CREM: variants seen among roughly 807,000 people sequenced by gnomAD.
CREM encodes the protein cAMP-responsive element modulator.
Under a neutral mutation model 37.3 loss-of-function variants are expected in CREM, and 13 were observed. That is an observed-to-expected ratio of 0.35 (90% CI 0.23 to 0.55). The LOEUF (loss-of-function observed/expected upper bound fraction) is 0.55. CREM is among the 20% of genes least tolerant of loss of function. CREM has a pLI of 0.88. For missense variants in CREM, 296 were observed against 362.3 expected, an observed-to-expected ratio of 0.82 and a Z score of 1.49; for synonymous variants, 124 against 120.2, an observed-to-expected ratio of 1.03 and a Z score of -0.21.
chr10:35,158,453 C>A, intron 3 of CREM: 1 of 284,780 alleles, frequency 3.5e-6, no homozygotes. Context: ...GTGCCGCCTG[C>A]AGAGGGTAAA....
intron 1 of CREM, among the ~76,000 whole-genome samples, chr10:35,137,127 G>A (rs1177540346): frequency 6.6e-6 from 1 of 152,050 alleles, no homozygotes; most frequent in Non-Finnish European, 1.5e-5. Flanking sequence ...ATGTTCTTTT[G>A]TCTTTTTCTT....
intron 6 of CREM, among the ~76,000 whole-genome samples, chr10:35,203,227 G>A (rs1454003496): frequency 3.3e-5 from 5 of 151,872 alleles, no homozygotes; most frequent in Non-Finnish European, 7.4e-5. Flanking sequence ...TGTATGTCTT[G>A]TAGAGATCAG....
At chr10:35,184,294 T>C (rs1162291656) in intron 5 of CREM, among the ~76,000 whole-genome samples, 2 of 152,168 alleles carry the variant, frequency 1.3e-5, no homozygotes, top group African/African-American at 4.8e-5. Context: ...ATTCATTCAG[T>C]TAATTTCATC....
At chr10:35,209,245 A>G (rs2095609851) in intron 7 of CREM, 1 of 879,288 alleles carries the variant, frequency 1.1e-6, no homozygotes, top group East Asian at 1.2e-4. Context: ...TTTGATTGGC[A>G]TCTATAATCG....
intron 3 of CREM, among the ~76,000 whole-genome samples, chr10:35,174,781 C>T (rs146471673): frequency 6.6e-6 from 1 of 152,152 alleles, no homozygotes; most frequent in Non-Finnish European, 1.5e-5. Context: ...GAAAACCTGG[C>T]AGGTTTTGAG....
chr10:35,143,058 A>T (rs984984817), intron 2 of CREM, among the ~76,000 whole-genome samples: 2 of 152,154 alleles, frequency 1.3e-5, no homozygotes, highest in Non-Finnish European at 2.9e-5. Flanking sequence ...GCAACCTCCA[A>T]CTCCCAGGTT....
At chr10:35,154,794 C>T (rs1344593441) in intron 3 of CREM, among the ~76,000 whole-genome samples, 3 of 151,978 alleles carry the variant, frequency 2.0e-5, no homozygotes, top group Admixed American at 6.6e-5. Flanking sequence ...TGCTTTGAAC[C>T]GTAACTCATT....
chr10:35,175,861 G>A, intron 3 of CREM: 1 of 1,572,620 alleles, frequency 6.4e-7, no homozygotes, highest in Non-Finnish European at 8.6e-7. Flanking sequence ...AGGTTTCTGT[G>A]GCTGGATCAG....
intron 7 of CREM, 80 bp from the exon 8 acceptor site, chr10:35,211,173 CG>C (rs973795042): frequency 1.3e-6 from 2 of 1,485,972 alleles, no homozygotes; most frequent in Non-Finnish European, 1.8e-6. Flanking sequence ...CTGTTGAGTT[CG>C]GGGGGCAGAA....
intron 6 of CREM, chr10:35,196,175 C>A (rs1012485264): frequency 6.7e-7 from 1 of 1,503,434 alleles, no homozygotes; most frequent in Non-Finnish European, 9.2e-7. Context: ...TATAAGCTGG[C>A]GGGTTCTTTA....
intron 5 of CREM, among the ~76,000 whole-genome samples, chr10:35,182,672 T>G (rs572535430): frequency 1.0e-3 from 151 of 150,514 alleles, no homozygotes; most frequent in African/African-American, 3.6e-3. Flanking sequence ...TATATTGACT[T>G]ACTATTATCA....
At chr10:35,196,201 C>G (rs1336296545) in intron 6 of CREM, 2 of 1,168,576 alleles carry the variant, frequency 1.7e-6, no homozygotes, top group Non-Finnish European at 2.5e-6. Context: ...ACTCCATCCT[C>G]TTACTCCATC....
intron 6 of CREM, among the ~76,000 whole-genome samples, chr10:35,194,501 A>C (rs1351300687): frequency 6.6e-5 from 10 of 152,220 alleles, no homozygotes; most frequent in Non-Finnish European, 1.2e-4. Flanking sequence ...TCTAGTAGTT[A>C]TGGGAGAATA....
intron 5 of CREM, among the ~76,000 whole-genome samples, chr10:35,184,807 GAAAA>G (rs1260228863): frequency 6.6e-6 from 1 of 151,608 alleles, no homozygotes; most frequent in African/African-American, 2.4e-5. Flanking sequence ...AAAAGAAAGA[GAAAA>G]AAGGAAGTAA....
At chr10:35,132,418 A>C (rs910958668) in intron 1 of CREM, among the ~76,000 whole-genome samples, 2 of 152,196 alleles carry the variant, frequency 1.3e-5, no homozygotes, top group Non-Finnish European at 2.9e-5. Context: ...CTGAATAGCT[A>C]GTCCTTTAGT....
At chr10:35,138,682 C>T (rs554936435) in intron 2 of CREM, among the ~76,000 whole-genome samples, 39 of 151,690 alleles carry the variant, frequency 2.6e-4, no homozygotes, top group African/African-American at 8.7e-4. Context: ...TGCCACCATA[C>T]CCGGCTAATT....
chr10:35,130,358 C>G (rs1301108674), intron 1 of CREM, among the ~76,000 whole-genome samples: 1 of 151,992 alleles, frequency 6.6e-6, no homozygotes, highest in Non-Finnish European at 1.5e-5. Context: ...CTGTGCTGTT[C>G]TTAAGAATAA....
intron 6 of CREM, chr10:35,196,153 G>A (rs982488179): frequency 2.3e-5 from 37 of 1,585,126 alleles, no homozygotes; most frequent in Non-Finnish European, 3.2e-5. Context: ...GTGAGAAATG[G>A]ATTATGTATT....
At chr10:35,162,856 T>G (rs2093361783) in intron 3 of CREM, among the ~76,000 whole-genome samples, 1 of 152,110 alleles carries the variant, frequency 6.6e-6, no homozygotes, top group Non-Finnish European at 1.5e-5. Flanking sequence ...GTTGTGAGAT[T>G]AAACACTTTC....
Sources: allele counts gnomAD v4.1 joint callset (sites outside exome capture counted in the v4.1 genomes callset), GRCh38; gene constraint gnomAD v4.1.1; transcripts MANE v1.5; gene names NCBI Gene and HGNC (gene_info 2026-07-23, HGNC 2026-07-21).